Variants in TSPAN14 observed in about 807,000 individuals in gnomAD.
TSPAN14 encodes tetraspanin-14.
In TSPAN14, 16 loss-of-function variants were observed where a neutral mutation model predicts 36.6. That is an observed-to-expected ratio of 0.44 (90% CI 0.30 to 0.66). The LOEUF (loss-of-function observed/expected upper bound fraction) is 0.66, where lower values mean the gene tolerates loss of function less well. TSPAN14 is among the 30% of genes least tolerant of loss of function. The pLI is 0.12. For missense variants in TSPAN14, 231 were observed against 355.1 expected, an observed-to-expected ratio of 0.65 and a Z score of 2.81; for synonymous variants, 139 against 143.8, an observed-to-expected ratio of 0.97 and a Z score of 0.24.
intron 1 of TSPAN14, among the ~76,000 whole-genome samples, chr10:80,457,595 A>G (rs1271111663): frequency 2.0e-5 from 3 of 152,246 alleles, no homozygotes; most frequent in Admixed American, 6.5e-5. Context: ...GAATGTTTTC[A>G]GTGAAGGTGC....
At chr10:80,504,772 C>G (rs757374758) in exon 3 of TSPAN14, 1 of 1,614,142 alleles carries the variant, frequency 6.2e-7, no homozygotes, top group Non-Finnish European at 8.5e-7. Flanking sequence ...GGGCATGGAG[C>G]GAAAAGGTAG....
intron 1 of TSPAN14, among the ~76,000 whole-genome samples, chr10:80,485,406 T>G (rs1488502712): frequency 4.6e-5 from 7 of 152,190 alleles, no homozygotes; most frequent in Non-Finnish European, 1.5e-5. Context: ...TGCATTTTTG[T>G]GTAAATGCCC....
chr10:80,504,297 G>C (rs1198222953), intron 2 of TSPAN14, among the ~76,000 whole-genome samples: 2 of 152,224 alleles, frequency 1.3e-5, no homozygotes, highest in African/African-American at 4.8e-5. Context: ...TCCTCACCCT[G>C]TGGTGGTGCC....
chr10:80,487,428 T>C (rs551706516), intron 1 of TSPAN14, among the ~76,000 whole-genome samples: 1 of 152,224 alleles, frequency 6.6e-6, no homozygotes, highest in Non-Finnish European at 1.5e-5. Flanking sequence ...AATAAGTGAT[T>C]CTGATGCTGC....
At position 80,509,617 on chromosome 10, in the gene TSPAN14, C is replaced by T; in HGVS notation, c.450+146C>T. Reference sequence around the variant, plus strand: ...CAGGGAGGCCGTGGAACAAGCCACTCCACCTCTGGTCTGTTCCACTTTGCC... The same window carrying T: ...CAGGGAGGCCGTGGAACAAGCCACTTCACCTCTGGTCTGTTCCACTTTGCC... On this transcript the variant is annotated intron_variant, in intron 5 of 8. Coordinates refer to ENST00000429989, the Ensembl canonical transcript of TSPAN14. This position sits in a 1 kb window ranked among gnomAD's most constrained non-coding sequence, Gnocchi z 4.7. The T allele has an allele frequency of 2.5e-6, 2 of 803,338 alleles. No homozygotes were observed. The highest frequency in any genetic ancestry group is 3.9e-6 in the Non-Finnish European group (2 of 517,664). The allele number at this position is 803,338 out of a possible 1,614,324, so 49.8% of individuals were successfully genotyped here.
intron 8 of TSPAN14, among the ~76,000 whole-genome samples, chr10:80,517,387 A>G (rs2132070550): frequency 6.6e-6 from 1 of 152,378 alleles, no homozygotes; most frequent in East Asian, 1.9e-4. Context: ...TGTTCACGTT[A>G]GAAGAACATC....
intron 2 of TSPAN14, among the ~76,000 whole-genome samples, chr10:80,497,071 C>A (rs894622895): frequency 2.0e-5 from 3 of 152,132 alleles, no homozygotes; most frequent in African/African-American, 7.2e-5. Context: ...TTGTGTCTGA[C>A]ATCTTTCATT....
At chr10:80,521,361 C>G (rs986598162) in exon 9 of TSPAN14, 1 of 158,100 alleles carries the variant, frequency 6.3e-6, no homozygotes, top group African/African-American at 2.4e-5. Context: ...GCCTGTCACC[C>G]GCTGGTCCAG....
At chr10:80,484,330 T>G (rs1319207237) in intron 1 of TSPAN14, among the ~76,000 whole-genome samples, 1 of 152,164 alleles carries the variant, frequency 6.6e-6, no homozygotes, top group Non-Finnish European at 1.5e-5. Context: ...TTTTTAAATT[T>G]TTTTATTTTT....
At position 80,487,133 on chromosome 10, in the gene TSPAN14, C is replaced by G. The variant is rs542714566; in HGVS notation, c.-17-2084C>G. Among the ~76,000 whole-genome samples, 260 of 152,320 alleles carry G rather than the reference C, an allele frequency of 1.7e-3. 1 individual carries two copies. The highest frequency in any genetic ancestry group is 6.1e-3 in the African/African-American group (255 of 41,568). ...GTAATTTGAAACAAGCTGGTGAATG[C>G]TAGTTATAGCTACCGTTAGGTTAGT... On this transcript the variant is annotated intron_variant, in intron 1 of 8. Coordinates refer to ENST00000429989, the Ensembl canonical transcript of TSPAN14.
chr10:80,480,108 G>A (rs1252013403), intron 1 of TSPAN14, among the ~76,000 whole-genome samples: 1 of 151,212 alleles, frequency 6.6e-6, no homozygotes. Context: ...TGTTATTGGC[G>A]TCTAAGAATG....
At chr10:80,511,951 G>A (rs1840677648) in intron 5 of TSPAN14, among the ~76,000 whole-genome samples, 193 bp from the exon 6 acceptor site, 1 of 151,992 alleles carries the variant, frequency 6.6e-6, no homozygotes, top group South Asian at 2.1e-4. Flanking sequence ...ACGCCTAGCT[G>A]TTTTCTTCTT....
At position 80,512,143 on chromosome 10, in the gene TSPAN14, G is replaced by C; in HGVS notation, c.451-1G>C. The C allele has an allele frequency of 6.2e-7, 1 of 1,614,164 alleles. No individual in the cohort carries two copies. Among genetic ancestry groups the C allele is most frequent in the Non-Finnish European group, 8.5e-7 (1 of 1,180,006 alleles). On this transcript the variant is annotated splice_acceptor_variant, in intron 5 of 8. Transcript: ENST00000429989. LOFTEE classifies it high-confidence loss of function. The stretch of plus-strand genomic sequence containing the variant: ...AACAGTTCTGGCTTTTGTGGTTGCA[G>C]AACCAGTGCTGTGGCGCATATGGCC...
chr10:80,463,581 T>C (rs1316933110), intron 1 of TSPAN14, among the ~76,000 whole-genome samples: 1 of 152,208 alleles, frequency 6.6e-6, no homozygotes, highest in Non-Finnish European at 1.5e-5. Flanking sequence ...CCATTCTTTT[T>C]AACAGCAGTG....
intron 1 of TSPAN14, among the ~76,000 whole-genome samples, chr10:80,469,132 G>A (rs559724681): frequency 6.6e-6 from 1 of 151,910 alleles, no homozygotes; most frequent in Non-Finnish European, 1.5e-5. Flanking sequence ...CTGCTGGTGA[G>A]GTTATCTTTG....
chr10:80,474,831 T>C (rs878652), intron 1 of TSPAN14, among the ~76,000 whole-genome samples: 1 of 151,848 alleles, frequency 6.6e-6, no homozygotes, highest in African/African-American at 2.4e-5. Flanking sequence ...TTCCCTTGGG[T>C]TTTCTCTCCC....
At chr10:80,518,108 C>A in exon 9 of TSPAN14, 1 of 940,976 alleles carries the variant, frequency 1.1e-6, no homozygotes. Context: ...ATCAGCGTGA[C>A]GTGACCTCTC....
chr10:80,516,534 T>A (rs924830004), intron 8 of TSPAN14, among the ~76,000 whole-genome samples: 2 of 152,104 alleles, frequency 1.3e-5, no homozygotes, highest in African/African-American at 2.4e-5. Context: ...ACGCTACCTA[T>A]AGGGGGGCCC....
chr10:80,495,355 GTGTGTGTGTGTGTGTGTGTGTGTA>G (rs1848143311), intron 2 of TSPAN14, among the ~76,000 whole-genome samples: 2 of 114,348 alleles, frequency 1.7e-5, no homozygotes, highest in East Asian at 2.1e-4. Flanking sequence ...GTGTGTGTGT[GTGTGTGTGTGTGTGTGTGTGTGTA>G]TGTACATGTG....
Sources: allele counts gnomAD v4.1 joint callset (sites outside exome capture counted in the v4.1 genomes callset), GRCh38; gene constraint gnomAD v4.1.1; non-coding constraint Gnocchi (gnomAD v3.1); transcripts MANE v1.5; gene names NCBI Gene and HGNC (gene_info 2026-07-23, HGNC 2026-07-21).